Variants in KCNMB2 observed in about 807,000 individuals in gnomAD.
KCNMB2 encodes the protein calcium-activated potassium channel subunit beta-2.
KCNMB2 carries 9 observed loss-of-function variants against 24.5 expected under a neutral mutation model. The observed-to-expected ratio is 0.37, with a 90% CI of 0.22 to 0.64. The LOEUF (loss-of-function observed/expected upper bound fraction) is 0.64. Ranked by LOEUF, KCNMB2 falls within the 30% of genes least tolerant of loss-of-function variation. The pLI is 0.63. For missense variants in KCNMB2, 226 were observed against 284.3 expected (o/e 0.79, Z 1.47); for synonymous variants, 109 against 104.4 (o/e 1.04, Z -0.27).
At chr3:178,615,908 C>A (rs1718688035) in intron 1 of KCNMB2, among the ~76,000 whole-genome samples, 1 of 152,114 alleles carries the variant, frequency 6.6e-6, no homozygotes, top group South Asian at 2.1e-4. Flanking sequence ...AGGACTGGTT[C>A]CTTTCCTTCA....
At chr3:178,757,441 G>T (rs1203243358) in intron 1 of KCNMB2, among the ~76,000 whole-genome samples, 3 of 40,570 alleles carry the variant, frequency 7.4e-5, no homozygotes, top group Non-Finnish European at 8.6e-5. Context: ...TATCCAAGAG[G>T]ATATATATAT....
chr3:178,767,124 T>A (rs556735140), intron 1 of KCNMB2, among the ~76,000 whole-genome samples: 60 of 152,324 alleles, frequency 3.9e-4, no homozygotes, highest in African/African-American at 1.4e-3. Context: ...AACAATTATC[T>A]GGTTCAAAAT....
intron 1 of KCNMB2, among the ~76,000 whole-genome samples, chr3:178,733,909 T>C (rs1286391360): frequency 1.3e-5 from 2 of 152,088 alleles, no homozygotes; most frequent in African/African-American, 4.8e-5. Context: ...GGTAGCTGGA[T>C]TGAGGTGTTG....
At chr3:178,629,511 A>C (rs1334597417) in intron 1 of KCNMB2, among the ~76,000 whole-genome samples, 1 of 152,178 alleles carries the variant, frequency 6.6e-6, no homozygotes, top group Non-Finnish European at 1.5e-5. Context: ...AAGGCATAAG[A>C]GGTGTTATAA....
chr3:178,613,160 G>A (rs984629044), intron 1 of KCNMB2, among the ~76,000 whole-genome samples: 2 of 152,186 alleles, frequency 1.3e-5, no homozygotes, highest in Non-Finnish European at 2.9e-5. Flanking sequence ...CACTTTGGGT[G>A]GCCAAGGTAA....
intron 1 of KCNMB2, among the ~76,000 whole-genome samples, chr3:178,555,311 C>T (rs951067571): frequency 5.9e-5 from 9 of 152,246 alleles, no homozygotes; most frequent in Admixed American, 3.3e-4. Flanking sequence ...TATGACACAA[C>T]ACCCAATTTA....
chr3:178,586,279 A>C (rs1446739806), intron 1 of KCNMB2, among the ~76,000 whole-genome samples: 3 of 152,130 alleles, frequency 2.0e-5, no homozygotes, highest in African/African-American at 4.8e-5. Context: ...AGCTGCAAAC[A>C]CCAGCAGAGA....
intron 2 of KCNMB2, among the ~76,000 whole-genome samples, chr3:178,815,648 A>T (rs2108459318): frequency 6.6e-6 from 1 of 152,248 alleles, no homozygotes; most frequent in South Asian, 2.1e-4. Context: ...ACCATTAAGT[A>T]TCAAGTTTAC....
intron 1 of KCNMB2, among the ~76,000 whole-genome samples, chr3:178,696,053 G>A (rs1721862879): frequency 6.6e-6 from 1 of 152,190 alleles, no homozygotes; most frequent in Admixed American, 6.5e-5. Context: ...TGGCTGGGAG[G>A]CCTCAGGAAA....
intron 1 of KCNMB2, among the ~76,000 whole-genome samples, chr3:178,695,373 T>C (rs957716152): frequency 6.6e-6 from 1 of 152,250 alleles, no homozygotes; most frequent in Admixed American, 6.5e-5. Flanking sequence ...GTCTTGGTGA[T>C]TAGTGTCTGG....
chr3:178,750,240 G>A (rs1723798378), intron 1 of KCNMB2, among the ~76,000 whole-genome samples: 1 of 151,788 alleles, frequency 6.6e-6, no homozygotes, highest in Non-Finnish European at 1.5e-5. Flanking sequence ...TTAGAAAATA[G>A]GGCATGGTGA....
intron 1 of KCNMB2, among the ~76,000 whole-genome samples, chr3:178,612,844 T>A (rs562248738): frequency 6.6e-6 from 1 of 152,316 alleles, no homozygotes; most frequent in East Asian, 1.9e-4. Flanking sequence ...TTTCCTCTAG[T>A]GAAGGTGATT....
chr3:178,749,251 AAAAT>A (rs1361374022), intron 1 of KCNMB2: 5 of 152,368 alleles, frequency 3.3e-5, no homozygotes, highest in African/African-American at 9.6e-5. Flanking sequence ...AGAGAAAAAG[AAAAT>A]AAATAAATGT....
At chr3:178,749,844 T>TGAAAAC (rs1723786510) in intron 1 of KCNMB2, among the ~76,000 whole-genome samples, 1 of 152,194 alleles carries the variant, frequency 6.6e-6, no homozygotes, top group Non-Finnish European at 1.5e-5. Flanking sequence ...AATACAGAGG[T>TGAAAAC]AGCTGAGAAG....
At chr3:178,611,203 G>T (rs979481463) in intron 1 of KCNMB2, among the ~76,000 whole-genome samples, 1 of 152,092 alleles carries the variant, frequency 6.6e-6, no homozygotes, top group Non-Finnish European at 1.5e-5. Flanking sequence ...TTGGTAGGTT[G>T]TATGTATCTA....
intron 1 of KCNMB2, among the ~76,000 whole-genome samples, chr3:178,696,578 AT>A (rs1393436492): frequency 2.6e-5 from 4 of 151,494 alleles, no homozygotes; most frequent in Non-Finnish European, 4.4e-5. Context: ...CTTTGAATGT[AT>A]TTTCATTTCT....
chr3:178,549,474 CTTTTTTTTTTT>C (rs1237618463), intron 1 of KCNMB2, among the ~76,000 whole-genome samples: 8 of 94,606 alleles, frequency 8.5e-5, no homozygotes, highest in African/African-American at 2.6e-4. Context: ...CAATGCCCAG[CTTTTTTTTTTT>C]TTTTTTTTTT....
At chr3:178,563,570 G>T (rs1716401647) in intron 1 of KCNMB2, among the ~76,000 whole-genome samples, 1 of 152,154 alleles carries the variant, frequency 6.6e-6, no homozygotes, top group African/African-American at 2.4e-5. Context: ...TTACTGAATG[G>T]TCTTGCATCA....
At chr3:178,587,517 G>A (rs1026796126) in intron 1 of KCNMB2, among the ~76,000 whole-genome samples, 28 of 152,080 alleles carry the variant, frequency 1.8e-4, no homozygotes, top group African/African-American at 5.1e-4. Flanking sequence ...TCCGCCTCCC[G>A]GGTTCAAGTG....
Sources: allele counts gnomAD v4.1 joint callset (sites outside exome capture counted in the v4.1 genomes callset), GRCh38; gene constraint gnomAD v4.1.1; transcripts MANE v1.5; gene names NCBI Gene and HGNC (gene_info 2026-07-23, HGNC 2026-07-21).